IBA57: variants seen among roughly 807,000 people sequenced by gnomAD.
IBA57 encodes iron-sulfur cluster assembly factor IBA57.
Under a neutral mutation model 20.4 loss-of-function variants are expected in IBA57, and 20 were observed. The ratio of observed to expected loss-of-function variants is 0.98; its 90% CI spans 0.69 to 1.42. The LOEUF (loss-of-function observed/expected upper bound fraction) is 1.42, where lower values mean the gene tolerates loss of function less well. Among genes scored for constraint, IBA57 ranks in the 40% most tolerant of loss-of-function variants. IBA57 has a pLI of 0.00. For missense variants in IBA57, 608 were observed against 499.3 expected (o/e 1.22, Z -2.07); for synonymous variants, 310 against 233.9 (o/e 1.33, Z -2.97).
At chr1:228,172,551 C>T (rs1298484686) in intron 1 of IBA57, 2 of 152,286 alleles carry the variant, frequency 1.3e-5, no homozygotes, top group Non-Finnish European at 1.5e-5. Context: ...TGTAGTGGCA[C>T]CTTGATTCTC....
chr1:228,167,652 C>T (rs572873893), intron 1 of IBA57, among the ~76,000 whole-genome samples: 5 of 152,280 alleles, frequency 3.3e-5, no homozygotes, highest in Admixed American at 1.3e-4. Context: ...CCACTGTGCC[C>T]GGCCTGGGGC....
chr1:228,175,515 C>T lies in IBA57; in HGVS notation c.*2C>T. ...TGGTGGCCTACAGTCTCCAAGTAGT[C>T]CGAAGCCTTGGCTGGCGCAGGCTGA... On this transcript the variant is annotated 3_prime_UTR_variant, in exon 3 of 3. Coordinates refer to ENST00000366711, the MANE Select transcript of IBA57 (RefSeq NM_001010867.4). 1.3e-6 allele frequency: 2 copies of T among 1,552,526 alleles called. No individual in the cohort carries two copies. The highest frequency in any genetic ancestry group is 1.7e-6 in the Non-Finnish European group (2 of 1,147,604).
At chr1:228,167,821 A>G (rs564362383) in intron 1 of IBA57, among the ~76,000 whole-genome samples, 3 of 152,352 alleles carry the variant, frequency 2.0e-5, no homozygotes, top group East Asian at 1.9e-4. Context: ...TGTCTTATGT[A>G]TTCATTACAT....
chr1:228,175,786 G>A lies in IBA57; in HGVS notation c.*273G>A. 5.4e-6 allele frequency: 2 copies of A among 373,028 alleles called. No individual in the cohort carries two copies. The highest frequency in any genetic ancestry group is 9.7e-6 in the Non-Finnish European group (2 of 206,238). 23.1% of individuals were successfully genotyped at this position (373,028 alleles called of 1,614,324 possible). On this transcript the variant is annotated 3_prime_UTR_variant, in exon 3 of 3. Transcript: ENST00000366711. ...CTCCAGATGGCGCCGGGTCCCAATC[G>A]TGGCTCCACACAGGGTTGTCTGGGA... is the stretch of plus-strand genomic sequence containing the variant.
At position 228,174,807 on chromosome 1, in the gene IBA57, C is replaced by A; in HGVS notation, c.457C>A (p.Pro153Thr). The change falls in exon 2 of 3, where the codon CCG becomes ACG. Residue 153 changes from proline to threonine, a missense_variant. Pro to Thr is a conservative substitution (Grantham distance 38). Coordinates refer to ENST00000366711, the MANE Select transcript of IBA57 (RefSeq NM_001010867.4). ...GATCCGGCGGAAGGTCACGGTGGAG[C>A]CGCACCCGGAGCTGCGAGTGTGGGC... The part of the protein sequence containing the change: ...YRIRRKVTVE[P>T]HPELRVWAVL... The A allele has an allele frequency of 6.2e-7, 1 of 1,610,472 alleles. No homozygotes were observed.
At chr1:228,166,250 C>T (rs2124971954) in intron 1 of IBA57, 93 bp downstream of exon 1, 2 of 627,726 alleles carry the variant, frequency 3.2e-6, no homozygotes, top group Non-Finnish European at 4.2e-6. Context: ...CCGGGGCCTG[C>T]AGAGGGCGTG....
intron 1 of IBA57, 58 bp from the exon 2 acceptor site, chr1:228,174,634 C>T (rs2034977223): frequency 2.1e-6 from 3 of 1,433,120 alleles, no homozygotes; most frequent in Non-Finnish European, 2.8e-6. Context: ...CCTCATGCAG[C>T]CCTTTCTGGC....
chr1:228,167,356 T>TTC (rs1491250174), intron 1 of IBA57, among the ~76,000 whole-genome samples: 1 of 1,658 alleles, frequency 6.0e-4, no homozygotes, highest in African/African-American at 6.4e-4. Flanking sequence ...CTGGGGCTTC[T>TTC]TTTTTTTTTT....
intron 1 of IBA57, among the ~76,000 whole-genome samples, chr1:228,169,614 A>G (rs749135629): frequency 9.2e-5 from 14 of 152,106 alleles, no homozygotes; most frequent in Non-Finnish European, 1.9e-4. Flanking sequence ...GAGTTAGGCA[A>G]ATGTATGATG....
chr1:228,166,288 A>T, intron 1 of IBA57, 131 bp downstream of exon 1: 179 of 227,152 alleles, frequency 7.9e-4, no homozygotes, highest in East Asian at 3.8e-3. Context: ...GAGGGCCGGG[A>T]TGGGGTGGAA....
At position 228,174,146 on chromosome 1, in the gene IBA57, T is replaced by C. The variant is rs944456794; in HGVS notation, c.342-546T>C. On this transcript the variant is annotated intron_variant, in intron 1 of 2. Transcript: ENST00000366711. ...GTGGCTCGCTGTGGGCGTGGCTCGC[T>C]GTGGGCGTGGCTCGCTGTGGGCGTG... is the stretch of plus-strand genomic sequence containing the variant. 8.8e-5 allele frequency among the ~76,000 whole-genome samples: 13 copies of C among 148,308 alleles called. 1 individual carries two copies. Among genetic ancestry groups the C allele is most frequent in the East Asian group, 4.1e-4 (2 of 4,834 alleles).
chr1:228,175,415 G>T lies in IBA57; in HGVS notation c.973G>T (p.Glu325Ter). 1.2e-6 allele frequency: 2 copies of T among 1,612,954 alleles called. No individual in the cohort carries two copies. Among genetic ancestry groups the T allele is most frequent in the Non-Finnish European group, 1.7e-6 (2 of 1,179,962 alleles). ...GNVGLALLWS[E>*]KIKGPLHIRA... ...CGTGGGGCTGGCCCTGCTGTGGTCA[G>T]AGAAGATCAAGGGTCCTCTGCACAT... The change falls in exon 3 of 3, where the codon GAG becomes TAG. Residue 325 changes from glutamate to a stop codon, truncating the protein, a stop_gained. Transcript: ENST00000366711. LOFTEE classifies it low-confidence loss of function (END_TRUNC).
At position 228,166,105 on chromosome 1, in the gene IBA57, G is replaced by T; in HGVS notation, c.289G>T (p.Ala97Ser). Residue 97 changes from alanine (A) to serine (S), a missense_variant, in exon 1 of 3, where the codon GCC (alanine) becomes TCC (serine). Physicochemically the swap from Ala to Ser is moderately conservative, Grantham distance 99. Coordinates refer to ENST00000366711, the MANE Select transcript of IBA57 (RefSeq NM_001010867.4). ...CCCGCCTGCTGCGCGCGCGGGCTAC[G>T]CCCACTTCCTGAACGTGCAGGGCCG... ...GAPPAARAGYAHFLNVQGRTL... is the reference protein window; with the variant it reads ...GAPPAARAGYSHFLNVQGRTL... The T allele has an allele frequency of 6.5e-7, 1 of 1,536,626 alleles. No individual in the cohort carries two copies. The highest frequency in any genetic ancestry group is 2.5e-5 in the East Asian group (1 of 39,910).
chr1:228,175,783 A>C lies in IBA57; in HGVS notation c.*270A>C. On this transcript the variant is annotated 3_prime_UTR_variant, in exon 3 of 3. Coordinates refer to ENST00000366711, the MANE Select transcript of IBA57 (RefSeq NM_001010867.4). ...GGGCTCCAGATGGCGCCGGGTCCCAATCGTGGCTCCACACAGGGTTGTCTG... is the reference window on the plus strand; with the variant it reads ...GGGCTCCAGATGGCGCCGGGTCCCACTCGTGGCTCCACACAGGGTTGTCTG... The C allele has an allele frequency of 2.7e-6, 1 of 369,066 alleles. No individual in the cohort carries two copies. Among genetic ancestry groups the C allele is most frequent in the Non-Finnish European group, 4.9e-6 (1 of 203,580 alleles). The allele number at this position is 369,066 out of a possible 1,614,324, so 22.9% of individuals were successfully genotyped here. A position where few individuals can be genotyped will look rare whatever the true frequency, so the allele number is the denominator to read the frequency against.
rs1347828652 is a variant in IBA57, at chr1:228,165,942, A to C, written c.126A>C (p.Pro42=). 7 of 1,502,468 alleles carry C rather than the reference A, an allele frequency of 4.7e-6. No homozygotes were observed. The African/African-American group carries it at 8.7e-5, about 19-fold the overall frequency. The allele number at this position is 1,502,468 out of a possible 1,614,324, so 93.1% of individuals were successfully genotyped here. A position where few individuals can be genotyped will look rare whatever the true frequency, so the allele number is the denominator to read the frequency against. ...GCTCCTGCAGTCCTGGTGGCGACCCAACGGCCGGAGCGGCCTGGGCCTGCT... is the reference window on the plus strand; with the variant it reads ...GCTCCTGCAGTCCTGGTGGCGACCCCACGGCCGGAGCGGCCTGGGCCTGCT... ...AHSSCSPGGD[P]TAGAAWACFR... is the part of the protein sequence containing the mutation. Residue 42 remains proline (P), a synonymous_variant, in exon 1 of 3, where the codon CCA becomes CCC. Coordinates refer to ENST00000366711, the MANE Select transcript of IBA57 (RefSeq NM_001010867.4).
rs1474914977 is a variant in IBA57, at chr1:228,175,620, G to A, written c.*107G>A. 4.3e-6 allele frequency: 6 copies of A among 1,387,812 alleles called. No individual in the cohort carries two copies. The highest frequency in any genetic ancestry group is 3.1e-5 in the South Asian group (2 of 64,784). The allele number at this position is 1,387,812 out of a possible 1,614,324, so 86.0% of individuals were successfully genotyped here. On this transcript the variant is annotated 3_prime_UTR_variant, in exon 3 of 3. Coordinates refer to ENST00000366711, the MANE Select transcript of IBA57 (RefSeq NM_001010867.4). The stretch of plus-strand genomic sequence containing the variant: ...TCTGTCTGCTGCGCCTACTGGGTGG[G>A]AGCCCTGGTTTCCATCTGGGAAAGT...
chr1:228,168,345 A>C (rs549228909), intron 1 of IBA57, among the ~76,000 whole-genome samples: 1 of 152,378 alleles, frequency 6.6e-6, no homozygotes, highest in African/African-American at 2.4e-5. Flanking sequence ...TATGTTATGC[A>C]TAAGGCTTCC....
intron 1 of IBA57, among the ~76,000 whole-genome samples, chr1:228,174,136 C>T (rs1256580142): frequency 6.7e-6 from 1 of 149,792 alleles, no homozygotes; most frequent in Admixed American, 6.6e-5. Context: ...TCGCTGTGGG[C>T]GTGGCTCGCT....
In IBA57 at chr1:228,170,143, A is replaced by T. The variant is rs982468218; in HGVS notation, c.341+3986A>T. On this transcript the variant is annotated intron_variant, in intron 1 of 2. Coordinates refer to ENST00000366711, the MANE Select transcript of IBA57 (RefSeq NM_001010867.4). The surrounding 1 kb of genome is among the most constrained non-coding windows in gnomAD (Gnocchi z 4.8). ...CTCGGCCTCCCAAAGTGCTGGGATT[A>T]CAGGCGTGAGCCACGGCGCCCGGCC... Among the ~76,000 whole-genome samples the T allele has an allele frequency of 2.6e-5, 4 of 152,210 alleles. No homozygotes were observed. Among genetic ancestry groups the T allele is most frequent in the African/African-American group, 9.6e-5 (4 of 41,462 alleles).
Sources: gnomAD v4.1 joint callset for allele counts (sites outside exome capture counted in the v4.1 genomes callset) on GRCh38, gnomAD v4.1.1 for gene constraint, Gnocchi (gnomAD v3.1) non-coding constraint, MANE v1.5 for transcripts, NCBI Gene and HGNC (gene_info 2026-07-23, HGNC 2026-07-21) for gene names.